The following ALDH9A1 variants were observed in gnomAD, a reference collection of about 807,000 sequenced individuals.
ALDH9A1 encodes aldehyde dehydrogenase 9 family member A1.
ALDH9A1 carries 42 observed loss-of-function variants against 56.6 expected under a neutral mutation model. That is an observed-to-expected ratio of 0.74 (90% confidence interval 0.58 to 0.96). The LOEUF (loss-of-function observed/expected upper bound fraction) is 0.96. Ranked by LOEUF, ALDH9A1 falls within the 40% of genes least tolerant of loss-of-function variation. ALDH9A1 has a pLI of 0.00. For missense variants in ALDH9A1, 661 were observed against 651.5 expected (o/e 1.01, Z -0.16); for synonymous variants, 242 against 236.0 (o/e 1.03, Z -0.23).
chr1:165,676,758 A>G, intron 6 of ALDH9A1: 1 of 501,446 alleles, frequency 2.0e-6, no homozygotes. Flanking sequence ...AGCTGCTGGA[A>G]CCTATTCCCT....
chr1:165,681,243 C>T (rs1649542971), intron 4 of ALDH9A1, among the ~76,000 whole-genome samples: 1 of 152,230 alleles, frequency 6.6e-6, no homozygotes, highest in African/African-American at 2.4e-5. Context: ...CCAAACCCTA[C>T]AGTTGCCCAG....
At position 165,683,003 on chromosome 1, in the gene ALDH9A1, C is replaced by T. The variant is rs747940025; in HGVS notation, c.435G>A (p.Ala145=). The T allele has an allele frequency of 8.7e-6, 14 of 1,613,828 alleles. No individual in the cohort carries two copies. Among genetic ancestry groups the T allele is most frequent in the Admixed American group, 1.7e-5 (1 of 59,984 alleles). ...DISWQCLEYY[A]GLAASMAGEH... ...TACCAGCCATGGATGCAGCCAAGCC[C>T]GCATAATACTCCAGGCACTGCCAGG... Residue 145 remains alanine, a synonymous_variant, in exon 3 of 11, where the codon GCG becomes GCA. Transcript: ENST00000354775.
intron 10 of ALDH9A1, among the ~76,000 whole-genome samples, chr1:165,663,866 A>G (rs1025630929): frequency 1.3e-5 from 2 of 152,236 alleles, no homozygotes; most frequent in African/African-American, 2.4e-5. Flanking sequence ...CTAAGCACAC[A>G]GCTGGTCAGG....
rs1263460069 is a variant in ALDH9A1, at chr1:165,662,534, C to T, written c.*516G>A. On this transcript the variant is annotated 3_prime_UTR_variant, in exon 11 of 11. Coordinates refer to ENST00000354775, the MANE Select transcript of ALDH9A1 (RefSeq NM_000696.4). ...GCTGAAATCATCTCTACTGATTCTA[C>T]CAGGAACCTATAAAGGAACAAGGTT... 2 of 153,172 alleles carry T rather than the reference C, an allele frequency of 1.3e-5. No homozygotes were observed. Among genetic ancestry groups the T allele is most frequent in the African/African-American group, 4.8e-5 (2 of 41,450 alleles). 9.5% of individuals were successfully genotyped at this position (153,172 alleles called of 1,614,324 possible).
chr1:165,674,118 T>A (rs548189565), intron 6 of ALDH9A1, among the ~76,000 whole-genome samples: 2 of 152,112 alleles, frequency 1.3e-5, no homozygotes, highest in South Asian at 2.1e-4. Flanking sequence ...ATCAGCACCA[T>A]GACAGTTTAC....
chr1:165,680,326 T>C (rs1304878189), intron 5 of ALDH9A1, among the ~76,000 whole-genome samples, 161 bp downstream of exon 5: 1 of 152,282 alleles, frequency 6.6e-6, no homozygotes, highest in African/African-American at 2.4e-5. Flanking sequence ...CTTCATACTT[T>C]TACAGGAAAT....
At chr1:165,674,367 G>A (rs1484105289) in intron 6 of ALDH9A1, among the ~76,000 whole-genome samples, 2 of 142,504 alleles carry the variant, frequency 1.4e-5, no homozygotes, top group Non-Finnish European at 3.1e-5. Context: ...TAGCCATGAA[G>A]GAAAACAGGA....
intron 1 of ALDH9A1, among the ~76,000 whole-genome samples, 162 bp from the exon 2 acceptor site, chr1:165,695,559 G>A (rs1294867695): frequency 7.7e-6 from 1 of 130,624 alleles, no homozygotes; most frequent in East Asian, 2.2e-4. Context: ...GCAGTGGCGC[G>A]ATCTCGGCTC....
Position 165,662,783 on chromosome 1 carries a change from A to G in ALDH9A1, c.*267T>C. On this transcript the variant is annotated 3_prime_UTR_variant, in exon 11 of 11. Transcript: ENST00000354775. ...ATCCTAGTCTCTTTTCCTGTTCTCT[A>G]GAAGTATGTTACTGGCTCTTAAAAG... is the stretch of plus-strand genomic sequence containing the variant. 2.3e-6 allele frequency: 1 copy of G among 425,794 alleles called. No homozygotes were observed. The highest frequency in any genetic ancestry group is 4.3e-6 in the Non-Finnish European group (1 of 231,570). The allele number at this position is 425,794 out of a possible 1,614,324, so 26.4% of individuals were successfully genotyped here. A position where few individuals can be genotyped will look rare whatever the true frequency, so the allele number is the denominator to read the frequency against.
In ALDH9A1 at chr1:165,663,026, G is replaced by A. The variant is rs767891762; in HGVS notation, c.*24C>T. 6.3e-7 allele frequency: 1 copy of A among 1,599,318 alleles called. No homozygotes were observed. Among genetic ancestry groups the A allele is most frequent in the Non-Finnish European group, 8.6e-7 (1 of 1,166,524 alleles). Reference sequence around the variant, plus strand: ...TCACATCATTCCACAGCGTGGCCATGTCAATAGGTTTCACTGCAGGTTTTC... The same window carrying A: ...TCACATCATTCCACAGCGTGGCCATATCAATAGGTTTCACTGCAGGTTTTC... On this transcript the variant is annotated 3_prime_UTR_variant, in exon 11 of 11. Coordinates refer to ENST00000354775, the MANE Select transcript of ALDH9A1 (RefSeq NM_000696.4).
At chr1:165,674,990 C>G (rs937597997) in intron 6 of ALDH9A1, among the ~76,000 whole-genome samples, 1 of 152,058 alleles carries the variant, frequency 6.6e-6, no homozygotes, top group African/African-American at 2.4e-5. Context: ...CTCAGGAGTT[C>G]AAGACCAGCC....
intron 4 of ALDH9A1, among the ~76,000 whole-genome samples, chr1:165,681,130 T>A (rs1054685091): frequency 3.3e-5 from 5 of 152,154 alleles, no homozygotes; most frequent in Non-Finnish European, 4.4e-5. Context: ...GAATTCTGGG[T>A]GATACAATTC....
At chr1:165,688,106 C>A (rs1396171441) in intron 2 of ALDH9A1, among the ~76,000 whole-genome samples, 1 of 152,130 alleles carries the variant, frequency 6.6e-6, no homozygotes, top group Non-Finnish European at 1.5e-5. Flanking sequence ...GACTTGAGCC[C>A]AGGAGATCAA....
At chr1:165,686,550 C>CAGGTAT (rs1649716002) in intron 2 of ALDH9A1, among the ~76,000 whole-genome samples, 1 of 150,312 alleles carries the variant, frequency 6.7e-6, no homozygotes, top group Non-Finnish European at 1.5e-5. Flanking sequence ...CACACAGGGC[C>CAGGTAT]AGGTATAGTT....
chr1:165,692,795 T>C (rs1178509363), intron 2 of ALDH9A1, among the ~76,000 whole-genome samples: 4 of 151,814 alleles, frequency 2.6e-5, no homozygotes, highest in East Asian at 1.9e-4. Context: ...GGAGGCATCA[T>C]GCTACCTGAC....
At chr1:165,690,940 T>C (rs925444614) in intron 2 of ALDH9A1, among the ~76,000 whole-genome samples, 1 of 152,208 alleles carries the variant, frequency 6.6e-6, no homozygotes, top group Admixed American at 6.5e-5. Flanking sequence ...CGGCAGGGCA[T>C]AGCTGAACAA....
At chr1:165,689,075 C>T (rs1649801850) in intron 2 of ALDH9A1, among the ~76,000 whole-genome samples, 1 of 152,136 alleles carries the variant, frequency 6.6e-6, no homozygotes, top group Admixed American at 6.5e-5. Context: ...CAATTCTTAA[C>T]AGCCCTACAA....
rs1407720567 is a variant in ALDH9A1 at position 165,679,517 on chromosome 1, G to A, written c.855C>T (p.Leu285=). The A allele has an allele frequency of 2.5e-6, 4 of 1,614,160 alleles. No homozygotes were observed. Among genetic ancestry groups the A allele is most frequent in the Non-Finnish European group, 1.7e-6 (2 of 1,180,008 alleles). Residue 285 remains leucine, a synonymous_variant, in exon 6 of 11, where the codon CTC becomes CTT. Transcript: ENST00000354775. Reference sequence around the variant, plus strand: ...TCATATCACAGTCTGAGAAGATGATGAGTGGAGATTTGCCTCCAAGTTCCA... The same window carrying A: ...TCATATCACAGTCTGAGAAGATGATAAGTGGAGATTTGCCTCCAAGTTCCA... ...VTLELGGKSP[L]IIFSDCDMNN... is the part of the protein sequence containing the mutation.
chr1:165,697,682 C>A (rs1256925616), intron 1 of ALDH9A1, among the ~76,000 whole-genome samples: 1 of 152,142 alleles, frequency 6.6e-6, no homozygotes, highest in Non-Finnish European at 1.5e-5. Context: ...TTTTAGAATT[C>A]CTCTCCTATG....
Sources: gnomAD v4.1 joint callset for allele counts (sites outside exome capture counted in the v4.1 genomes callset) on GRCh38, gnomAD v4.1.1 for gene constraint, MANE v1.5 for transcripts, NCBI Gene and HGNC (gene_info 2026-07-23, HGNC 2026-07-21) for gene names.